The following EPHA6 variants were observed in gnomAD, a reference collection of about 807,000 sequenced individuals.
The protein encoded by EPHA6 is EPH receptor A6, also known as ephrin type-A receptor 6.
In EPHA6, 50 loss-of-function variants were observed where a neutral mutation model predicts 112.0. That is an observed-to-expected ratio of 0.45 (90% CI 0.36 to 0.56). The LOEUF (loss-of-function observed/expected upper bound fraction) is 0.56, where lower values mean the gene tolerates loss of function less well. Ranked by LOEUF, EPHA6 falls within the 20% of genes least tolerant of loss-of-function variation. EPHA6 has a pLI of 0.00. For synonymous variants in EPHA6, 529 were observed against 490.7 expected (o/e 1.08, Z -1.03); for missense variants, 1,280 against 1,417.4 (o/e 0.90, Z 1.56).
At chr3:97,539,119 T>G (rs1012010561) in intron 11 of EPHA6, among the ~76,000 whole-genome samples, 1 of 148,080 alleles carries the variant, frequency 6.8e-6, no homozygotes, top group African/African-American at 2.6e-5. Context: ...TTTCTTTCTT[T>G]CTTTCTTTTT....
At chr3:97,473,184 A>AT in intron 7 of EPHA6, among the ~76,000 whole-genome samples, 1 of 151,914 alleles carries the variant, frequency 6.6e-6, no homozygotes, top group Non-Finnish European at 1.5e-5. Flanking sequence ...TTAGGAAATA[A>AT]GAGTATTTAA....
intron 3 of EPHA6, among the ~76,000 whole-genome samples, chr3:97,045,394 T>G (rs1265707630): frequency 6.6e-6 from 1 of 151,984 alleles, no homozygotes; most frequent in African/African-American, 2.4e-5. Flanking sequence ...GTAAATAGCA[T>G]AGAGCAAAAA....
chr3:96,974,384 C>A (rs1041637597), intron 2 of EPHA6, among the ~76,000 whole-genome samples: 11 of 150,108 alleles, frequency 7.3e-5, no homozygotes, highest in African/African-American at 2.4e-4. Context: ...ATTATAAATA[C>A]TTTTGTTATT....
intron 3 of EPHA6, among the ~76,000 whole-genome samples, chr3:97,064,166 T>A (rs950625477): frequency 1.3e-5 from 2 of 152,210 alleles, no homozygotes; most frequent in Non-Finnish European, 2.9e-5. Context: ...AGAAAACTTG[T>A]GTACTGAATT....
In EPHA6 at chr3:97,186,981, A is replaced by G. The variant is rs140567274; in HGVS notation, c.1115-39283A>G. Among the ~76,000 whole-genome samples, 62 of 152,266 alleles carry G rather than the reference A, an allele frequency of 4.1e-4. 2 individuals carry two copies. Among genetic ancestry groups the G allele is most frequent in the African/African-American group, 1.4e-3 (58 of 41,572 alleles). On this transcript the variant is annotated intron_variant, in intron 3 of 17. Coordinates refer to ENST00000389672, the MANE Select transcript of EPHA6 (RefSeq NM_001080448.3). ...CTTGCCTGGCCTAGAAGACCATATCACACCTTAAAAAAATTGTTATAGCAA... is the reference window on the plus strand; with the variant it reads ...CTTGCCTGGCCTAGAAGACCATATCGCACCTTAAAAAAATTGTTATAGCAA...
intron 2 of EPHA6, among the ~76,000 whole-genome samples, chr3:96,982,162 G>T (rs1214453453): frequency 6.6e-6 from 1 of 152,104 alleles, no homozygotes; most frequent in Non-Finnish European, 1.5e-5. Context: ...GTCAATTTTA[G>T]ATCTTTCCTG....
chr3:97,563,394 G>A (rs1157750260), intron 11 of EPHA6, among the ~76,000 whole-genome samples: 1 of 152,152 alleles, frequency 6.6e-6, no homozygotes, highest in Non-Finnish European at 1.5e-5. Flanking sequence ...ACTTCAAGAA[G>A]GCTACTGTGG....
chr3:96,892,613 A>T (rs748590584), intron 2 of EPHA6, among the ~76,000 whole-genome samples: 1 of 151,884 alleles, frequency 6.6e-6, no homozygotes, highest in Non-Finnish European at 1.5e-5. Context: ...ATTGGTGAGT[A>T]TTATTGTCTG....
chr3:97,443,111 G>T (rs1348936748), intron 6 of EPHA6, among the ~76,000 whole-genome samples: 1 of 151,914 alleles, frequency 6.6e-6, no homozygotes. Flanking sequence ...TGTTTATTTT[G>T]AGAGGATTAT....
chr3:97,515,704 A>G (rs1320456339), intron 10 of EPHA6, among the ~76,000 whole-genome samples: 3 of 152,206 alleles, frequency 2.0e-5, no homozygotes, highest in Non-Finnish European at 4.4e-5. Context: ...TATGAATAAC[A>G]GTATTCAGTA....
At chr3:97,243,203 T>A (rs554275244) in intron 4 of EPHA6, among the ~76,000 whole-genome samples, 14 of 151,834 alleles carry the variant, frequency 9.2e-5, no homozygotes, top group African/African-American at 3.4e-4. Context: ...ATAGTGTGGG[T>A]CTCTTTTAGG....
At chr3:97,113,747 A>G (rs1218971018) in intron 3 of EPHA6, among the ~76,000 whole-genome samples, 2 of 152,114 alleles carry the variant, frequency 1.3e-5, no homozygotes, top group South Asian at 4.2e-4. Context: ...CTTCCCCATA[A>G]AGGCTATATT....
intron 2 of EPHA6, among the ~76,000 whole-genome samples, chr3:96,910,296 A>C (rs757835691): frequency 4.6e-5 from 7 of 152,034 alleles, no homozygotes; most frequent in Admixed American, 2.0e-4. Flanking sequence ...TTTTGCTTCA[A>C]TTTGACCACT....
intron 2 of EPHA6, among the ~76,000 whole-genome samples, chr3:96,906,873 G>T (rs966850709): frequency 6.6e-6 from 1 of 152,026 alleles, no homozygotes; most frequent in East Asian, 1.9e-4. Flanking sequence ...AGAGGACAAA[G>T]GTTTCTGTAA....
At chr3:97,621,882 A>G (rs2093816860) in intron 13 of EPHA6, among the ~76,000 whole-genome samples, 1 of 151,906 alleles carries the variant, frequency 6.6e-6, no homozygotes, top group African/African-American at 2.4e-5. Flanking sequence ...CAGAAGCCAG[A>G]TTGCAGAGAG....
chr3:97,481,118 G>C (rs1234560169), intron 9 of EPHA6: 2 of 597,076 alleles, frequency 3.3e-6, no homozygotes, highest in Admixed American at 4.3e-5. Context: ...GGGAGGCCAA[G>C]GCAGGTGGCT....
chr3:97,015,108 T>C (rs1444514744), intron 3 of EPHA6, among the ~76,000 whole-genome samples: 1 of 152,162 alleles, frequency 6.6e-6, no homozygotes, highest in African/African-American at 2.4e-5. Context: ...CTCCTCTTGA[T>C]CAAATTTAAC....
intron 2 of EPHA6, among the ~76,000 whole-genome samples, chr3:96,946,634 T>C (rs1170074706): frequency 6.6e-6 from 1 of 152,194 alleles, no homozygotes; most frequent in African/African-American, 2.4e-5. Context: ...GCAATAAACA[T>C]ACGTGTGCAT....
intron 6 of EPHA6, among the ~76,000 whole-genome samples, chr3:97,426,276 A>T (rs1318570967): frequency 2.0e-5 from 3 of 152,200 alleles, no homozygotes; most frequent in Non-Finnish European, 4.4e-5. Context: ...CCTCACAATC[A>T]TGGTGGAAGG....
Sources: allele counts gnomAD v4.1 joint callset (sites outside exome capture counted in the v4.1 genomes callset), GRCh38; gene constraint gnomAD v4.1.1; transcripts MANE v1.5; gene names NCBI Gene and HGNC (gene_info 2026-07-23, HGNC 2026-07-21).